The following PTPN11 variants were observed in gnomAD, a reference collection of about 807,000 sequenced individuals.
PTPN11 encodes tyrosine-protein phosphatase non-receptor type 11.
In PTPN11, 6 loss-of-function variants were observed where a neutral mutation model predicts 78.8. That is an observed-to-expected ratio of 0.08 (90% confidence interval 0.04 to 0.15). The LOEUF (loss-of-function observed/expected upper bound fraction) is 0.15, where lower values mean the gene tolerates loss of function less well. Ranked by LOEUF, PTPN11 falls within the 10% of genes least tolerant of loss-of-function variation. The pLI is 1.00. For missense variants in PTPN11, 386 were observed against 744.8 expected (o/e 0.52, Z 5.61); for synonymous variants, 221 against 263.5 (o/e 0.84, Z 1.56).
chr12:112,426,326 G>T (rs1431155904), intron 1 of PTPN11, among the ~76,000 whole-genome samples: 3 of 151,928 alleles, frequency 2.0e-5, no homozygotes, highest in Non-Finnish European at 2.9e-5. Flanking sequence ...GCACCATCTT[G>T]CCTCACTGCA....
intron 5 of PTPN11, 39 bp from the exon 6 acceptor site, chr12:112,455,911 T>A: frequency 1.9e-6 from 2 of 1,070,466 alleles, no homozygotes; most frequent in Non-Finnish European, 2.9e-6. Context: ...TTTTCTGTAA[T>A]ATTTTCTTTA....
At chr12:112,446,200 C>T (rs972658053) in intron 1 of PTPN11, 76 bp from the exon 2 acceptor site, 6 of 1,579,634 alleles carry the variant, frequency 3.8e-6, no homozygotes, top group African/African-American at 1.3e-5. Flanking sequence ...CATAATGCGT[C>T]TTAGCTGTGT....
At chr12:112,488,855 G>A (rs952005413) in intron 12 of PTPN11, among the ~76,000 whole-genome samples, 169 bp from the exon 13 acceptor site, 13 of 152,166 alleles carry the variant, frequency 8.5e-5, no homozygotes, top group African/African-American at 3.1e-4. Context: ...AGTCTTCTGG[G>A]ATCATTGGTA....
rs2038912710 is a variant in PTPN11, at chr12:112,504,593, C to T, written c.1713-102C>T. The T allele has an allele frequency of 9.3e-6, 8 of 861,280 alleles. No individual in the cohort carries two copies. In the South Asian group the frequency reaches 1.2e-4, roughly 12 times the overall value. 53.4% of individuals were successfully genotyped at this position (861,280 alleles called of 1,614,324 possible). Reference sequence around the variant, plus strand: ...CACAGGAACTGTGTCTGTACCATATCTGGTGCCCAAAGAATGTAGTATGTG... The same window carrying T: ...CACAGGAACTGTGTCTGTACCATATTTGGTGCCCAAAGAATGTAGTATGTG... On this transcript the variant is annotated intron_variant, in intron 14 of 15. Transcript: ENST00000351677. This position sits in a 1 kb window ranked among gnomAD's most constrained non-coding sequence, Gnocchi z 4.7.
In PTPN11 at chr12:112,509,911, T is replaced by C. The variant is rs2038980821; in HGVS notation, c.*4119T>C. The C allele has an allele frequency of 6.6e-6, 1 of 152,266 alleles. No individual in the cohort carries two copies. Among genetic ancestry groups the C allele is most frequent in the Non-Finnish European group, 1.5e-5 (1 of 68,030 alleles). The allele number at this position is 152,266 out of a possible 1,614,324, so 9.4% of individuals were successfully genotyped here. A position where few individuals can be genotyped will look rare whatever the true frequency, so the allele number is the denominator to read the frequency against. On this transcript the variant is annotated 3_prime_UTR_variant, in exon 16 of 16. Coordinates refer to ENST00000351677, the MANE Select transcript of PTPN11 (RefSeq NM_002834.5). ...TTAGGAATAAAACCATTTTCTTATATGATGGCATTTGTCGTTTGCTTCATC... is the reference window on the plus strand; with the variant it reads ...TTAGGAATAAAACCATTTTCTTATACGATGGCATTTGTCGTTTGCTTCATC...
chr12:112,477,578 G>A (rs1028356466), intron 7 of PTPN11, 73 bp from the exon 8 acceptor site: 2 of 1,191,916 alleles, frequency 1.7e-6, no homozygotes, highest in African/African-American at 3.0e-5. Context: ...CTAGGCTGGG[G>A]AGTAACTGAT....
intron 1 of PTPN11, among the ~76,000 whole-genome samples, chr12:112,440,026 T>C (rs2037859166): frequency 6.6e-6 from 1 of 152,140 alleles, no homozygotes; most frequent in Non-Finnish European, 1.5e-5. Flanking sequence ...TGAGGCCTAA[T>C]GTAAGAGTTT....
intron 1 of PTPN11, among the ~76,000 whole-genome samples, chr12:112,434,566 C>T (rs1319050769): frequency 1.3e-5 from 2 of 151,484 alleles, no homozygotes; most frequent in Non-Finnish European, 2.9e-5. Flanking sequence ...CGAGATCACG[C>T]CACTGCATTC....
At chr12:112,461,546 T>C (rs1002544758) in intron 6 of PTPN11, among the ~76,000 whole-genome samples, 1 of 152,066 alleles carries the variant, frequency 6.6e-6, no homozygotes, top group African/African-American at 2.4e-5. Context: ...AGGCTGGTCT[T>C]GAATGTCTGG....
At chr12:112,490,361 C>T (rs1012374758) in intron 13 of PTPN11, among the ~76,000 whole-genome samples, 1 of 143,606 alleles carries the variant, frequency 7.0e-6, no homozygotes, top group African/African-American at 2.6e-5. Context: ...GGCTGGAGTG[C>T]AGTGGTGTAA....
chr12:112,472,903 C>T (rs758490437), intron 6 of PTPN11, 41 bp from the exon 7 acceptor site: 18 of 1,465,888 alleles, frequency 1.2e-5, no homozygotes, highest in Non-Finnish European at 1.6e-5. Flanking sequence ...TTTTCTGTGA[C>T]TCTTTGACAC....
rs141049090 is a variant in PTPN11, at chr12:112,499,623, G to C, written c.1600-2521G>C. Among the ~76,000 whole-genome samples, 419 of 152,162 alleles carry C rather than the reference G, an allele frequency of 2.8e-3. 11 individuals carry two copies. Among genetic ancestry groups the C allele is most frequent in the Admixed American group, 0.024 (366 of 15,276 alleles). ...CAAAGTGCTGGGATTACAGGTATGA[G>C]CCACAGTGCCCGGCGGGATAAGTTT... On this transcript the variant is annotated intron_variant, in intron 13 of 15. Coordinates refer to ENST00000351677, the MANE Select transcript of PTPN11 (RefSeq NM_002834.5).
chr12:112,476,622 A>G (rs185971850), intron 7 of PTPN11, among the ~76,000 whole-genome samples: 7 of 152,160 alleles, frequency 4.6e-5, no homozygotes, highest in African/African-American at 1.7e-4. Flanking sequence ...TACAAAAATT[A>G]GCCAGATGTG....
chr12:112,436,344 A>G (rs2037789878), intron 1 of PTPN11, among the ~76,000 whole-genome samples: 1 of 152,176 alleles, frequency 6.6e-6, no homozygotes, highest in African/African-American at 2.4e-5. Flanking sequence ...TAGTTCTTTT[A>G]TGTGCATTAA....
chr12:112,454,623 A>C lies in PTPN11; in HGVS notation c.585A>C (p.Glu195Asp), dbSNP rs753107691. 3 of 1,613,940 alleles carry C rather than the reference A, an allele frequency of 1.9e-6. No homozygotes were observed. The Admixed American group carries it at 5.0e-5, about 27-fold the overall frequency. ...TTGATTCTTTGACAGATCTTGTGGA[A>C]CATTATAAGAAGAATCCTATGGTGG... ...ERFDSLTDLV[E>D]HYKKNPMVET... Residue 195 changes from glutamate to aspartate, a missense_variant, in exon 5 of 16, where the codon GAA (glutamate) becomes GAC (aspartate). By Grantham distance (45) the Glu-to-Asp change is conservative (BLOSUM62 2). Coordinates refer to ENST00000351677, the MANE Select transcript of PTPN11 (RefSeq NM_002834.5).
intron 1 of PTPN11, among the ~76,000 whole-genome samples, chr12:112,427,318 G>T (rs1484769050): frequency 6.6e-6 from 1 of 151,828 alleles, no homozygotes; most frequent in Non-Finnish European, 1.5e-5. Flanking sequence ...AGGCCGAGGC[G>T]GGTGGATCAG....
intron 2 of PTPN11, among the ~76,000 whole-genome samples, chr12:112,447,253 G>A (rs1316331680): frequency 6.6e-6 from 1 of 151,992 alleles, no homozygotes; most frequent in Non-Finnish European, 1.5e-5. Context: ...CATGACTGAG[G>A]AAGTTGTGGT....
chr12:112,457,236 T>C (rs531000452), intron 6 of PTPN11: 6 of 405,130 alleles, frequency 1.5e-5, no homozygotes, highest in African/African-American at 8.6e-5. Context: ...GTGTGTGATG[T>C]TCCCCTCCCT....
Position 112,508,775 on chromosome 12 carries a change from T to A in PTPN11, c.*2983T>A, listed in dbSNP as rs1337982313. 6.6e-6 allele frequency: 1 copy of A among 152,124 alleles called. No individual in the cohort carries two copies. The highest frequency in any genetic ancestry group is 1.9e-4 in the East Asian group (1 of 5,200). The allele number at this position is 152,124 out of a possible 1,614,324, so 9.4% of individuals were successfully genotyped here. A position where few individuals can be genotyped will look rare whatever the true frequency, so the allele number is the denominator to read the frequency against. ...TGTGTGGCCCTTCTGAAACTTATGGTCATCTCTCCCACTGAAACCAAGGTC... is the reference window on the plus strand; with the variant it reads ...TGTGTGGCCCTTCTGAAACTTATGGACATCTCTCCCACTGAAACCAAGGTC... On this transcript the variant is annotated 3_prime_UTR_variant, in exon 16 of 16. Transcript: ENST00000351677.
Sources: gnomAD v4.1 joint callset for allele counts (sites outside exome capture counted in the v4.1 genomes callset) on GRCh38, gnomAD v4.1.1 for gene constraint, Gnocchi (gnomAD v3.1) non-coding constraint, MANE v1.5 for transcripts, NCBI Gene and HGNC (gene_info 2026-07-23, HGNC 2026-07-21) for gene names.